Variants in CSMD1 observed in about 807,000 individuals in gnomAD.
CSMD1 encodes the protein CUB and Sushi multiple domains 1, also known as CUB and sushi domain-containing protein 1.
CSMD1 carries 213 observed loss-of-function variants against 417.5 expected under a neutral mutation model. The ratio of observed to expected loss-of-function variants is 0.51; its 90% CI spans 0.46 to 0.57. The LOEUF (loss-of-function observed/expected upper bound fraction) is 0.57, where lower values mean the gene tolerates loss of function less well. Ranked by LOEUF, CSMD1 falls within the 20% of genes least tolerant of loss-of-function variation. CSMD1 has a pLI of 0.00. For synonymous variants in CSMD1, 2,862 were observed against 1,736.8 expected (o/e 1.65, Z -16.11); for missense variants, 6,923 against 4,529.7 (o/e 1.53, Z -15.17).
At chr8:4,835,945 A>C (rs933743359) in intron 1 of CSMD1, among the ~76,000 whole-genome samples, 1 of 152,150 alleles carries the variant, frequency 6.6e-6, no homozygotes, top group Middle Eastern at 3.2e-3. Context: ...GGGAAATTTA[A>C]TTTATATTTT....
chr8:3,607,631 G>A (rs912685085), intron 8 of CSMD1, among the ~76,000 whole-genome samples: 1 of 152,166 alleles, frequency 6.6e-6, no homozygotes, highest in Non-Finnish European at 1.5e-5. Context: ...AATCTTAAGG[G>A]AAAACCATCA....
intron 3 of CSMD1, among the ~76,000 whole-genome samples, chr8:4,408,690 T>A (rs1336305367): frequency 1.3e-5 from 2 of 152,168 alleles, no homozygotes; most frequent in Non-Finnish European, 2.9e-5. Flanking sequence ...AAACCAAGAA[T>A]AAGCCCATAG....
At chr8:3,812,105 A>T (rs1585034558) in intron 5 of CSMD1, among the ~76,000 whole-genome samples, 2 of 152,272 alleles carry the variant, frequency 1.3e-5, no homozygotes, top group East Asian at 3.9e-4. Context: ...GCTACACAAT[A>T]ATTTCCTTAA....
chr8:3,825,770 T>C (rs1171322120), intron 5 of CSMD1, among the ~76,000 whole-genome samples: 1 of 152,070 alleles, frequency 6.6e-6, no homozygotes, highest in South Asian at 2.1e-4. Context: ...ACTGTGGAAA[T>C]GTAGAATATA....
intron 5 of CSMD1, among the ~76,000 whole-genome samples, chr8:3,868,643 T>C (rs979223868): frequency 2.0e-5 from 3 of 152,054 alleles, no homozygotes; most frequent in Non-Finnish European, 4.4e-5. Context: ...GTTCCTAATA[T>C]TTCTCCTCAA....
chr8:3,591,368 C>G (rs1800836808), intron 8 of CSMD1, among the ~76,000 whole-genome samples: 2 of 152,164 alleles, frequency 1.3e-5, no homozygotes, highest in South Asian at 2.1e-4. Flanking sequence ...AGTATAAAGA[C>G]TCTTTCTAAG....
rs1585058983 is a variant in CSMD1 at position 2,963,250 on chromosome 8, C to T, written c.9426G>A (p.Val3142=). ...GACACTGGGGGATCTCTCCTTTCCA[C>T]ACCCCGCGACCTTCACAGGAGAGGA... ...SAILSCEGRG[V]WKGEIPQCLP... Residue 3142 remains valine, a synonymous_variant, in exon 60 of 70, where the codon GTG becomes GTA. Transcript: ENST00000635120. 6.2e-7 allele frequency: 1 copy of T among 1,613,916 alleles called. No homozygotes were observed. The highest frequency in any genetic ancestry group is 2.2e-5 in the East Asian group (1 of 44,860).
chr8:3,629,314 T>TTTA (rs1796657952), intron 7 of CSMD1, among the ~76,000 whole-genome samples: 1 of 146,338 alleles, frequency 6.8e-6, no homozygotes, highest in Non-Finnish European at 1.5e-5. Context: ...TTAATATTAT[T>TTTA]TTCTTTCACT....
At chr8:4,003,248 C>A (rs768673320) in intron 4 of CSMD1, among the ~76,000 whole-genome samples, 2 of 151,932 alleles carry the variant, frequency 1.3e-5, no homozygotes, top group Non-Finnish European at 2.9e-5. Context: ...ATAAAAGTAG[C>A]TGGGTGTGGT....
chr8:2,953,486 TAAAG>T (rs1417205219), intron 65 of CSMD1, among the ~76,000 whole-genome samples: 1 of 148,342 alleles, frequency 6.7e-6, no homozygotes, highest in Admixed American at 6.7e-5. Context: ...AAAACCTGAA[TAAAG>T]AAAGTACTAG....
intron 3 of CSMD1, among the ~76,000 whole-genome samples, chr8:4,216,084 A>G (rs1050827452): frequency 2.0e-5 from 3 of 152,112 alleles, no homozygotes; most frequent in Non-Finnish European, 2.9e-5. Context: ...TCACTATGCT[A>G]TTTCTTGGCA....
intron 3 of CSMD1, among the ~76,000 whole-genome samples, chr8:4,334,929 T>C (rs771270477): frequency 2.7e-4 from 41 of 152,090 alleles, no homozygotes; most frequent in Non-Finnish European, 5.0e-4. Flanking sequence ...CCCCCACAGA[T>C]GCTGTATTTT....
chr8:4,944,653 G>C (rs567650111), intron 1 of CSMD1, among the ~76,000 whole-genome samples: 73 of 152,248 alleles, frequency 4.8e-4, no homozygotes, highest in African/African-American at 1.6e-3. Flanking sequence ...AGAGATGTTC[G>C]ATATTATTGA....
chr8:3,740,897 G>C (rs145469448), intron 6 of CSMD1, among the ~76,000 whole-genome samples: 2 of 152,050 alleles, frequency 1.3e-5, no homozygotes, highest in East Asian at 3.9e-4. Context: ...CTGTGCCCAG[G>C]GGTGGGAGGA....
intron 3 of CSMD1, among the ~76,000 whole-genome samples, chr8:4,068,013 G>A (rs556093768): frequency 1.1e-4 from 17 of 152,158 alleles, no homozygotes; most frequent in South Asian, 2.1e-4. Context: ...GAGTGGGGGC[G>A]AAGGTTGCAG....
intron 3 of CSMD1, among the ~76,000 whole-genome samples, chr8:4,351,722 G>C (rs1801104138): frequency 2.0e-5 from 3 of 152,114 alleles, no homozygotes; most frequent in African/African-American, 7.2e-5. Flanking sequence ...ACATGGAAAA[G>C]AAAAAGGCCT....
chr8:4,852,901 G>A (rs1182321747), intron 1 of CSMD1, among the ~76,000 whole-genome samples: 4 of 152,146 alleles, frequency 2.6e-5, no homozygotes, highest in East Asian at 1.9e-4. Context: ...TCTGTGGAAG[G>A]TTGAGCTTAA....
intron 7 of CSMD1, among the ~76,000 whole-genome samples, chr8:3,686,451 C>G (rs1281513723): frequency 6.6e-6 from 1 of 151,994 alleles, no homozygotes; most frequent in East Asian, 1.9e-4. Flanking sequence ...AATATGCCAC[C>G]CCACCATATG....
At chr8:3,923,949 A>G (rs750942153) in intron 5 of CSMD1, among the ~76,000 whole-genome samples, 2 of 152,198 alleles carry the variant, frequency 1.3e-5, no homozygotes, top group Non-Finnish European at 2.9e-5. Flanking sequence ...CCATTATTAC[A>G]GTATTAGAAT....
Sources: gnomAD v4.1 joint callset for allele counts (sites outside exome capture counted in the v4.1 genomes callset) on GRCh38, gnomAD v4.1.1 for gene constraint, MANE v1.5 for transcripts, NCBI Gene and HGNC (gene_info 2026-07-23, HGNC 2026-07-21) for gene names.